Variants in S100A9 observed in about 807,000 individuals in gnomAD.
S100A9 encodes the protein S100 calcium binding protein A9, also known as protein S100-A9.
S100A9 carries 2 observed loss-of-function variants against 4.3 expected under a neutral mutation model. The ratio of observed to expected loss-of-function variants is 0.47; its 90% confidence interval spans 0.19 to 1.48. The LOEUF (loss-of-function observed/expected upper bound fraction) is 1.48. Ranked by LOEUF, S100A9 falls within the 40% of genes most tolerant of loss-of-function variation. The probability of loss-of-function intolerance (pLI) is 0.24; values close to 1 mark genes in which losing one functional copy is unlikely to be tolerated. For synonymous variants in S100A9, 67 were observed against 54.0 expected (o/e 1.24, Z -1.06); for missense variants, 130 against 144.4 (o/e 0.90, Z 0.51).
chr1:153,360,878 C>A lies in S100A9; in HGVS notation c.*40C>A. Reference sequence around the variant, plus strand: ...AGATCACAGTGGCCACGGCCACGGCCACAGTCATGGTGGCCACGGCCACAG... The same window carrying A: ...AGATCACAGTGGCCACGGCCACGGCAACAGTCATGGTGGCCACGGCCACAG... On this transcript the variant is annotated 3_prime_UTR_variant, in exon 3 of 3. Coordinates refer to ENST00000368738, the MANE Select transcript of S100A9 (RefSeq NM_002965.4). 1 of 1,465,870 alleles carries A rather than the reference C, an allele frequency of 6.8e-7. No individual in the cohort carries two copies. The highest frequency in any genetic ancestry group is 9.2e-7 in the Non-Finnish European group (1 of 1,087,584). 90.8% of individuals were successfully genotyped at this position (1,465,870 alleles called of 1,614,324 possible).
chr1:153,360,645 A>G lies in S100A9; in HGVS notation c.152A>G (p.Lys51Arg), dbSNP rs761178184. Residue 51 changes from lysine to arginine, a missense_variant and splice_region_variant, in exon 3 of 3, where the codon AAG (lysine) becomes AGG (arginine). Coordinates refer to ENST00000368738, the MANE Select transcript of S100A9 (RefSeq NM_002965.4). ...ACAGCCTTCTCTCCCCACCCGCAGA[A>G]GGAGAATAAGAATGAAAAGGTCATA... ...VRKDLQNFLK[K>R]ENKNEKVIEH... is the part of the protein sequence containing the mutation. 6.3e-7 allele frequency: 1 copy of G among 1,599,448 alleles called. No homozygotes were observed. Among genetic ancestry groups the G allele is most frequent in the Non-Finnish European group, 8.6e-7 (1 of 1,169,394 alleles).
chr1:153,360,546 G>A, intron 2 of S100A9, 98 bp from the exon 3 acceptor site: 2 of 781,610 alleles, frequency 2.6e-6, no homozygotes, highest in South Asian at 3.4e-5. Context: ...CCCAGGGTGA[G>A]GCTTCCCTTG....
chr1:153,358,186 T>C, intron 1 of S100A9, 83 bp from the exon 2 acceptor site: 1 of 915,572 alleles, frequency 1.1e-6, no homozygotes, highest in Non-Finnish European at 1.6e-6. Context: ...CCACTATTTC[T>C]GTGAGTGCTT....
rs1281981861 is a variant in S100A9, at chr1:153,358,317, A to G, written c.34A>G (p.Ile12Val). Residue 12 changes from isoleucine to valine, a missense_variant, in exon 2 of 3, where the codon ATA becomes GTA. Transcript: ENST00000368738. ...CAAAATGTCGCAGCTGGAACGCAAC[A>G]TAGAGACCATCATCAACACCTTCCA... The part of the protein sequence containing the change: ...TCKMSQLERN[I>V]ETIINTFHQY... 6.2e-7 allele frequency: 1 copy of G among 1,612,090 alleles called. No individual in the cohort carries two copies. Among genetic ancestry groups the G allele is most frequent in the African/African-American group, 1.3e-5 (1 of 74,910 alleles).
chr1:153,360,154 A>G (rs1005982975), intron 2 of S100A9, among the ~76,000 whole-genome samples: 1 of 152,114 alleles, frequency 6.6e-6, no homozygotes, highest in African/African-American at 2.4e-5. Context: ...AAGGGAAGGG[A>G]GGGCAGGGGA....
rs112531265 is a variant in S100A9, at chr1:153,358,301, G to A, written c.18G>A (p.Ser6=). The A allele has an allele frequency of 2.8e-3, 4,415 of 1,599,132 alleles. 11 individuals carry two copies. Among genetic ancestry groups the A allele is most frequent in the Non-Finnish European group, 3.3e-3 (3,886 of 1,169,848 alleles). The change falls in exon 2 of 3, where the codon TCG becomes TCA. Residue 6 remains serine, a synonymous_variant. Coordinates refer to ENST00000368738, the MANE Select transcript of S100A9 (RefSeq NM_002965.4). MTCKM[S]QLERNIETII... ...GCAAGACGATGACTTGCAAAATGTCGCAGCTGGAACGCAACATAGAGACCA... is the reference window on the plus strand; with the variant it reads ...GCAAGACGATGACTTGCAAAATGTCACAGCTGGAACGCAACATAGAGACCA...
At chr1:153,358,175 C>G in intron 1 of S100A9, 94 bp from the exon 2 acceptor site, 1 of 779,280 alleles carries the variant, frequency 1.3e-6, no homozygotes. Context: ...TTGCACTTCC[C>G]CCACTATTTC....
chr1:153,360,743 G>A lies in S100A9; in HGVS notation c.250G>A (p.Ala84Thr), dbSNP rs372386954. The part of the protein sequence containing the change: ...LSFEEFIMLM[A>T]RLTWASHEKM... ...CTTCGAGGAGTTCATCATGCTGATG[G>A]CGAGGCTAACCTGGGCCTCCCACGA... The change falls in exon 3 of 3, where the codon GCG (alanine) becomes ACG (threonine). Residue 84 changes from alanine (A) to threonine (T), a missense_variant. Transcript: ENST00000368738. The A allele has an allele frequency of 2.0e-5, 32 of 1,614,018 alleles. No homozygotes were observed. Among genetic ancestry groups the A allele is most frequent in the Non-Finnish European group, 2.4e-5 (28 of 1,179,994 alleles).
intron 2 of S100A9, among the ~76,000 whole-genome samples, chr1:153,358,936 TGAG>T (rs1661396994): frequency 6.6e-6 from 1 of 151,834 alleles, no homozygotes; most frequent in Non-Finnish European, 1.5e-5. Flanking sequence ...GGCACAAAGC[TGAG>T]GAGACCCTAA....
rs1045704482 is a variant in S100A9, at chr1:153,359,009, G to A, written c.150+576G>A. Among the ~76,000 whole-genome samples, 6 of 152,064 alleles carry A rather than the reference G, an allele frequency of 3.9e-5. 1 individual carries two copies. In the South Asian group the frequency reaches 6.2e-4, roughly 16 times the overall value. ...GGCTTTTCTAATCCTAAGGGTCTGC[G>A]GTGGAAAATGAATGCATAAAGAGCA... On this transcript the variant is annotated intron_variant, in intron 2 of 2. Transcript: ENST00000368738.
chr1:153,360,688 C>A lies in S100A9; in HGVS notation c.195C>A (p.Asp65Glu), dbSNP rs1251358247. Reference sequence around the variant, plus strand: ...AGGTCATAGAACACATCATGGAGGACCTGGACACAAATGCAGACAAGCAGC... The same window carrying A: ...AGGTCATAGAACACATCATGGAGGAACTGGACACAAATGCAGACAAGCAGC... ...NEKVIEHIME[D>E]LDTNADKQLS... The change falls in exon 3 of 3, where the codon GAC becomes GAA. Residue 65 changes from aspartate (D) to glutamate (E), a missense_variant. Transcript: ENST00000368738. The A allele has an allele frequency of 6.2e-7, 1 of 1,614,022 alleles. No homozygotes were observed.
At position 153,360,701 on chromosome 1, in the gene S100A9, G is replaced by A. The variant is rs1194540028; in HGVS notation, c.208G>A (p.Ala70Thr). Residue 70 changes from alanine to threonine, a missense_variant, in exon 3 of 3, where the codon GCA becomes ACA. Transcript: ENST00000368738. ...EHIMEDLDTN[A>T]DKQLSFEEFI... ...CATCATGGAGGACCTGGACACAAAT[G>A]CAGACAAGCAGCTGAGCTTCGAGGA... The A allele has an allele frequency of 4.3e-6, 7 of 1,614,046 alleles. No individual in the cohort carries two copies. The highest frequency in any genetic ancestry group is 5.9e-6 in the Non-Finnish European group (7 of 1,179,904).
chr1:153,358,337 C>T lies in S100A9; in HGVS notation c.54C>T (p.Thr18=). The T allele has an allele frequency of 6.2e-7, 1 of 1,612,654 alleles. No homozygotes were observed. The highest frequency in any genetic ancestry group is 2.2e-5 in the East Asian group (1 of 44,870). The change falls in exon 2 of 3, where the codon ACC becomes ACT. Residue 18 remains threonine (T), a synonymous_variant. Coordinates refer to ENST00000368738, the MANE Select transcript of S100A9 (RefSeq NM_002965.4). ...LERNIETIIN[T]FHQYSVKLGH... ...GCAACATAGAGACCATCATCAACAC[C>T]TTCCACCAATACTCTGTGAAGCTGG... is the stretch of plus-strand genomic sequence containing the variant.
intron 1 of S100A9, 144 bp from the exon 2 acceptor site, chr1:153,358,125 C>T: frequency 1.9e-6 from 1 of 536,072 alleles, no homozygotes; most frequent in Non-Finnish European, 3.4e-6. Context: ...TGTGACAGGC[C>T]ATCTCCCAGT....
chr1:153,359,747 G>A (rs1024746212), intron 2 of S100A9, among the ~76,000 whole-genome samples: 8 of 147,206 alleles, frequency 5.4e-5, no homozygotes, highest in African/African-American at 7.6e-5. Flanking sequence ...GGAGTGCAAC[G>A]GCACAATCTC....
rs190638867 is a variant in S100A9 at position 153,357,924 on chromosome 1, G to A, written c.-16+43G>A. ...TTCCCCAGGCAGAAGCCTGCCTGCC[G>A]ATTCCTTCTTTCCTTCCCTGACCCA... On this transcript the variant is annotated intron_variant, in intron 1 of 2. Coordinates refer to ENST00000368738, the MANE Select transcript of S100A9 (RefSeq NM_002965.4). 1.3e-3 allele frequency: 210 copies of A among 161,892 alleles called. 1 individual carries two copies. Among genetic ancestry groups the A allele is most frequent in the African/African-American group, 4.7e-3 (198 of 41,926 alleles). The allele number at this position is 161,892 out of a possible 1,614,324, so 10.0% of individuals were successfully genotyped here.
chr1:153,358,464 G>A (rs376169971), intron 2 of S100A9, 31 bp downstream of exon 2: 7 of 1,538,704 alleles, frequency 4.5e-6, no homozygotes, highest in African/African-American at 1.4e-5. Context: ...GTCTGACCCA[G>A]CCTCACCGCA....
chr1:153,358,947 T>C (rs1040305392), intron 2 of S100A9, among the ~76,000 whole-genome samples: 2 of 151,944 alleles, frequency 1.3e-5, no homozygotes, highest in Admixed American at 1.3e-4. Context: ...GAGGAGACCC[T>C]AAGCCTCAGG....
chr1:153,359,638 C>A (rs1026187025), intron 2 of S100A9, among the ~76,000 whole-genome samples: 3 of 151,360 alleles, frequency 2.0e-5, no homozygotes, highest in Non-Finnish European at 4.4e-5. Flanking sequence ...CTCTCTTGGA[C>A]CCCGCCTGGG....
Sources: allele counts gnomAD v4.1 joint callset (sites outside exome capture counted in the v4.1 genomes callset), GRCh38; gene constraint gnomAD v4.1.1; transcripts MANE v1.5; gene names NCBI Gene and HGNC (gene_info 2026-07-23, HGNC 2026-07-21).